NIPAL3: variants seen among roughly 807,000 people sequenced by gnomAD.
The protein encoded by NIPAL3 is NIPA-like protein 3.
A neutral mutation model predicts 47.2 loss-of-function variants in NIPAL3; 41 were observed. The observed-to-expected ratio is 0.87, with a 90% CI of 0.68 to 1.13. The LOEUF is 1.13. NIPAL3 is among the 50% of genes most tolerant of loss of function. The pLI is 0.00. For missense variants in NIPAL3, 449 were observed against 530.1 expected (o/e 0.85, Z 1.50); for synonymous variants, 194 against 209.6 (o/e 0.93, Z 0.64).
chr1:24,453,939 A>C, intron 7 of NIPAL3: 13 of 429,280 alleles, frequency 3.0e-5, no homozygotes, highest in South Asian at 2.2e-4. Context: ...AGATTTTGTC[A>C]TCTATTTTTT....
Position 24,470,797 on chromosome 1 carries a change from T to C in NIPAL3, c.*1612T>C, listed in dbSNP as rs1020214844. The C allele has an allele frequency of 6.6e-6, 1 of 152,244 alleles. No homozygotes were observed. Among genetic ancestry groups the C allele is most frequent in the Non-Finnish European group, 1.5e-5 (1 of 68,052 alleles). The allele number at this position is 152,244 out of a possible 1,614,324, so 9.4% of individuals were successfully genotyped here. On this transcript the variant is annotated 3_prime_UTR_variant, in exon 12 of 12. Transcript: ENST00000374399. ...GTTGTCTGTGATAACCACTTCTGTA[T>C]TGCGTCTTAACCACTTCTGTATTGT...
chr1:24,419,749 T>C (rs1285958091), intron 2 of NIPAL3, 109 bp downstream of exon 2: 2 of 935,138 alleles, frequency 2.1e-6, no homozygotes, highest in Non-Finnish European at 3.3e-6. Flanking sequence ...CTGTCACTGG[T>C]AGAAACAGGC....
chr1:24,414,337 C>T (rs116150919), upstream of NIPAL3: 4,256 of 151,354 alleles, frequency 0.028, 188 homozygotes, highest in African/African-American at 0.098. Flanking sequence ...TGAGCCACCA[C>T]GCCCGGCCCC....
In NIPAL3 at chr1:24,454,685, A is replaced by G. The variant is rs570691290; in HGVS notation, c.637+1181A>G. On this transcript the variant is annotated intron_variant, in intron 7 of 11. Coordinates refer to ENST00000374399, the MANE Select transcript of NIPAL3 (RefSeq NM_020448.5). The surrounding 1 kb of genome is among the most constrained non-coding windows in gnomAD (Gnocchi z 4.1). ...AATTTTAGAACATTTTGTCACCCCC[A>G]AAAGAAACCCTGTGCCCATTAGCAG... The G allele has an allele frequency of 4.7e-4, 221 of 472,876 alleles. 2 individuals are homozygous for G. Among genetic ancestry groups the G allele is most frequent in the East Asian group, 2.8e-3 (18 of 6,482 alleles). 29.3% of individuals were successfully genotyped at this position (472,876 alleles called of 1,614,324 possible). A position where few individuals can be genotyped will look rare whatever the true frequency, so the allele number is the denominator to read the frequency against.
intron 5 of NIPAL3, among the ~76,000 whole-genome samples, chr1:24,446,726 G>A (rs1337846154): frequency 6.6e-6 from 1 of 152,152 alleles, no homozygotes; most frequent in African/African-American, 2.4e-5. Context: ...GTGCTGCAGT[G>A]AACATATGTG....
intron 2 of NIPAL3, among the ~76,000 whole-genome samples, chr1:24,437,100 A>G (rs1350448325): frequency 6.6e-6 from 1 of 151,954 alleles, no homozygotes; most frequent in Admixed American, 6.6e-5. Flanking sequence ...AAAATACAAA[A>G]TAATAGCCGG....
Position 24,449,742 on chromosome 1 carries a change from C to A in NIPAL3, c.540+116C>A. On this transcript the variant is annotated intron_variant, in intron 6 of 11. Transcript: ENST00000374399. The surrounding 1 kb of genome is among the most constrained non-coding windows in gnomAD (Gnocchi z 4.5). The stretch of plus-strand genomic sequence containing the variant: ...TTCCGTGAGTTGCGGCACATTTTAC[C>A]AGCATGAAAGACCGTGCTTCTGGAG... The A allele has an allele frequency of 8.6e-7, 1 of 1,160,906 alleles. No homozygotes were observed. The highest frequency in any genetic ancestry group is 1.2e-6 in the Non-Finnish European group (1 of 834,058). The allele number at this position is 1,160,906 out of a possible 1,614,324, so 71.9% of individuals were successfully genotyped here. A position where few individuals can be genotyped will look rare whatever the true frequency, so the allele number is the denominator to read the frequency against.
chr1:24,464,236 C>T, intron 11 of NIPAL3, 116 bp downstream of exon 11: 1 of 723,714 alleles, frequency 1.4e-6, no homozygotes, highest in Non-Finnish European at 2.1e-6. Flanking sequence ...ACTGTTCTCT[C>T]ACTGTCTTTT....
At position 24,445,844 on chromosome 1, in the gene NIPAL3, AT is replaced by A. The variant is rs780037303; in HGVS notation, c.394+607del. Among the ~76,000 whole-genome samples the A allele has an allele frequency of 3.3e-5, 5 of 152,134 alleles. No individual in the cohort carries two copies. In the East Asian group the frequency reaches 9.6e-4, roughly 29 times the overall value. On this transcript the variant is annotated intron_variant, in intron 5 of 11. Coordinates refer to ENST00000374399, the MANE Select transcript of NIPAL3 (RefSeq NM_020448.5). ...AAAAAGATCAAAGCCCCAGTATTTA[AT>A]TTTTTTATTTTTTTAAGAAGATTAG... is the stretch of plus-strand genomic sequence containing the variant.
rs1247547380 is a variant in NIPAL3, at chr1:24,472,010, T to G, written c.*2825T>G. ...ACTTACTCTGCCCCCTTCCTTCCCTTTTTTTTTTTTTTTTTTGGTATGGGC... is the reference window on the plus strand; with the variant it reads ...ACTTACTCTGCCCCCTTCCTTCCCTGTTTTTTTTTTTTTTTTGGTATGGGC... On this transcript the variant is annotated 3_prime_UTR_variant, in exon 12 of 12. Transcript: ENST00000374399. 6.5e-5 allele frequency: 1 copy of G among 15,462 alleles called. No individual in the cohort carries two copies. The highest frequency in any genetic ancestry group is 1.0e-4 in the Non-Finnish European group (1 of 9,704). The allele number at this position is 15,462 out of a possible 1,614,324, so 1.0% of individuals were successfully genotyped here. A position where few individuals can be genotyped will look rare whatever the true frequency, so the allele number is the denominator to read the frequency against.
intron 2 of NIPAL3, among the ~76,000 whole-genome samples, chr1:24,430,053 CT>C (rs1331464254): frequency 1.3e-5 from 2 of 152,062 alleles, no homozygotes; most frequent in Non-Finnish European, 2.9e-5. Flanking sequence ...AAGAATAAGA[CT>C]TTCTTTAAAA....
At chr1:24,429,545 G>T (rs1277101828) in intron 2 of NIPAL3, among the ~76,000 whole-genome samples, 1 of 152,084 alleles carries the variant, frequency 6.6e-6, no homozygotes, top group Admixed American at 6.6e-5. Flanking sequence ...TTCCCTCACA[G>T]AATTTTATTC....
At chr1:24,452,324 G>A (rs758719832) in intron 6 of NIPAL3, among the ~76,000 whole-genome samples, 29 of 152,208 alleles carry the variant, frequency 1.9e-4, no homozygotes, top group Non-Finnish European at 4.1e-4. Context: ...GCAGGAAAGT[G>A]CATGGGCCTG....
intron 2 of NIPAL3, among the ~76,000 whole-genome samples, chr1:24,430,005 TA>T: frequency 6.6e-6 from 1 of 152,268 alleles, no homozygotes; most frequent in East Asian, 1.9e-4. Flanking sequence ...CAATGATTAT[TA>T]AGCAAAAAAA....
chr1:24,452,055 G>GT (rs1334057374), intron 6 of NIPAL3, among the ~76,000 whole-genome samples: 7 of 152,160 alleles, frequency 4.6e-5, no homozygotes, highest in South Asian at 4.2e-4. Flanking sequence ...ATGTTTCTGG[G>GT]TTTTTTTTAT....
chr1:24,466,978 C>T (rs11249120), intron 11 of NIPAL3, among the ~76,000 whole-genome samples: 5,679 of 152,260 alleles, frequency 0.037, 353 homozygotes, highest in African/African-American at 0.13. Context: ...AAGAGCACTG[C>T]AGATCCCACC....
intron 2 of NIPAL3, among the ~76,000 whole-genome samples, chr1:24,420,857 GT>G (rs774615017): frequency 4.6e-5 from 7 of 152,122 alleles, no homozygotes; most frequent in Non-Finnish European, 1.0e-4. Flanking sequence ...GTAAATCTCT[GT>G]GCTGATCTCT....
upstream of NIPAL3, chr1:24,415,398 G>C (rs901584120): frequency 6.6e-6 from 1 of 152,184 alleles, no homozygotes; most frequent in Non-Finnish European, 1.5e-5. Context: ...CGTCGGGTAG[G>C]GGAACAGCAG....
Position 24,462,364 on chromosome 1 carries a change from T to C in NIPAL3, c.927-1662T>C, listed in dbSNP as rs558001626. ...GACTCGCACATGAGTATTTATATAG[T>C]AGCTTTATTCATCATAGGTCTAAAT... On this transcript the variant is annotated intron_variant, in intron 10 of 11. Transcript: ENST00000374399. 3.3e-5 allele frequency among the ~76,000 whole-genome samples: 5 copies of C among 152,316 alleles called. No homozygotes were observed. In the South Asian group the frequency reaches 1.0e-3, roughly 32 times the overall value.
Sources: gnomAD v4.1 joint callset for allele counts (sites outside exome capture counted in the v4.1 genomes callset) on GRCh38, gnomAD v4.1.1 for gene constraint, Gnocchi (gnomAD v3.1) non-coding constraint, MANE v1.5 for transcripts, NCBI Gene and HGNC (gene_info 2026-07-23, HGNC 2026-07-21) for gene names.